Variants in TG observed in about 807,000 individuals in gnomAD.
The protein encoded by TG is thyroid hormones.
In TG, 270 loss-of-function variants were observed where a neutral mutation model predicts 324.7. That is an observed-to-expected ratio of 0.83 (90% CI 0.75 to 0.92). TG has a LOEUF of 0.92. TG is among the 40% of genes least tolerant of loss of function. The probability of loss-of-function intolerance (pLI) is 0.00; values close to 1 mark genes in which losing one functional copy is unlikely to be tolerated. For missense variants in TG, 3,591 were observed against 3,456.4 expected (o/e 1.04, Z -0.98); for synonymous variants, 1,401 against 1,327.0 (o/e 1.06, Z -1.21).
intron 8 of TG, among the ~76,000 whole-genome samples, chr8:132,884,057 A>G (rs893890254): frequency 2.6e-5 from 4 of 152,152 alleles, no homozygotes; most frequent in African/African-American, 9.7e-5. Context: ...CCACGTGGCC[A>G]TCTTCCCTCT....
At chr8:133,128,145 C>A (rs1010355303) in intron 45 of TG, among the ~76,000 whole-genome samples, 1 of 152,130 alleles carries the variant, frequency 6.6e-6, no homozygotes, top group Non-Finnish European at 1.5e-5. Context: ...GTTGATCGCA[C>A]TTTCTTGTTA....
At chr8:133,084,852 T>A (rs918159931) in intron 41 of TG, among the ~76,000 whole-genome samples, 5 of 152,240 alleles carry the variant, frequency 3.3e-5, no homozygotes, top group African/African-American at 1.2e-4. Context: ...GTCAAAGATG[T>A]CTGCAGAAGG....
intron 43 of TG, among the ~76,000 whole-genome samples, chr8:133,102,191 C>T (rs955072440): frequency 2.6e-5 from 4 of 152,210 alleles, no homozygotes; most frequent in African/African-American, 4.8e-5. Context: ...ATACAAAGAA[C>T]GTCCAATCTC....
intron 36 of TG, among the ~76,000 whole-genome samples, chr8:133,012,969 G>A (rs1834653524): frequency 1.3e-5 from 2 of 152,242 alleles, no homozygotes; most frequent in Non-Finnish European, 1.5e-5. Context: ...CACTGGGTAT[G>A]GTGCCAGCTG....
At chr8:133,107,363 C>A (rs1359647976) in intron 43 of TG, among the ~76,000 whole-genome samples, 3 of 152,184 alleles carry the variant, frequency 2.0e-5, no homozygotes, top group Admixed American at 6.5e-5. Flanking sequence ...GTGTTAATGG[C>A]AGTCCTTTAA....
At chr8:133,047,763 G>GTTT in intron 41 of TG, 1 of 883,492 alleles carries the variant, frequency 1.1e-6, no homozygotes, top group Non-Finnish European at 1.9e-6. Context: ...GCCGTGTAAT[G>GTTT]AGTCAGCCAG....
chr8:133,027,656 C>G (rs1311917393), intron 40 of TG, among the ~76,000 whole-genome samples: 1 of 152,192 alleles, frequency 6.6e-6, no homozygotes, highest in Non-Finnish European at 1.5e-5. Flanking sequence ...GCTTTTTGAA[C>G]AGAGAAAGTT....
intron 41 of TG, among the ~76,000 whole-genome samples, chr8:133,071,159 C>T (rs1843952999): frequency 6.6e-6 from 1 of 152,182 alleles, no homozygotes; most frequent in Non-Finnish European, 1.5e-5. Flanking sequence ...GGAGAGGGGG[C>T]ACCAGTGCGT....
intron 32 of TG, among the ~76,000 whole-genome samples, chr8:132,969,904 C>T (rs1260097562): frequency 9.8e-6 from 1 of 102,214 alleles, no homozygotes; most frequent in East Asian, 2.7e-4. Context: ...CAGAGCGAGA[C>T]TCTGTCAAAA....
intron 20 of TG, 40 bp downstream of exon 20, chr8:132,913,305 T>C (rs1819798906): frequency 1.9e-6 from 3 of 1,604,088 alleles, no homozygotes; most frequent in African/African-American, 2.7e-5. Flanking sequence ...TGTGGAGCCA[T>C]GTGAGGCTTT....
At chr8:132,969,624 G>A (rs1829184560) in intron 32 of TG, 55 bp downstream of exon 32, 2 of 1,279,998 alleles carry the variant, frequency 1.6e-6, no homozygotes, top group East Asian at 4.6e-5. Context: ...CTTCCTCAAA[G>A]AAGATGACAC....
chr8:133,127,478 G>A (rs1175255095), intron 45 of TG, among the ~76,000 whole-genome samples: 2 of 152,210 alleles, frequency 1.3e-5, no homozygotes, highest in African/African-American at 2.4e-5. Context: ...CAGTTGCAGC[G>A]ACCCTAGGAT....
chr8:132,926,141 A>G (rs1821836235), intron 22 of TG, among the ~76,000 whole-genome samples: 1 of 152,148 alleles, frequency 6.6e-6, no homozygotes, highest in Non-Finnish European at 1.5e-5. Context: ...CGGGAGTAAA[A>G]TGTTTAAGGC....
rs137949847 is a variant in TG at position 133,101,176 on chromosome 8, C to T, written c.7572+4803C>T. ...CTATCACCACCTTACCCCCACCATACGCAAGCATCACCTAGAGAGATCCTC... is the reference window on the plus strand; with the variant it reads ...CTATCACCACCTTACCCCCACCATATGCAAGCATCACCTAGAGAGATCCTC... On this transcript the variant is annotated intron_variant, in intron 43 of 47. Transcript: ENST00000220616. Among the ~76,000 whole-genome samples, 996 of 152,228 alleles carry T rather than the reference C, an allele frequency of 6.5e-3. 9 individuals carry two copies. The highest frequency in any genetic ancestry group is 0.022 in the African/African-American group (916 of 41,528).
chr8:133,060,386 C>A (rs1163724911), intron 41 of TG: 8 of 1,521,756 alleles, frequency 5.3e-6, no homozygotes, highest in Middle Eastern at 1.7e-4. Flanking sequence ...GTTCTTTTAT[C>A]AAGGGAATGA....
At chr8:133,089,516 C>G (rs1483006970) in intron 41 of TG, among the ~76,000 whole-genome samples, 2 of 152,196 alleles carry the variant, frequency 1.3e-5, no homozygotes, top group Admixed American at 1.3e-4. Flanking sequence ...GATACCTGCT[C>G]TGTGTCCCAG....
intron 41 of TG, chr8:133,049,323 T>C (rs1840005546): frequency 2.7e-6 from 1 of 365,510 alleles, no homozygotes. Context: ...TCTGGATAGG[T>C]ATTTGATTAG....
At chr8:133,077,735 A>ATGTGTGTGTG (rs34749093) in intron 41 of TG, among the ~76,000 whole-genome samples, 17 of 148,174 alleles carry the variant, frequency 1.1e-4, no homozygotes, top group East Asian at 4.0e-4. Context: ...TCTGGTGTGT[A>ATGTGTGTGTG]TGTGTGTGTG....
chr8:133,074,070 A>G (rs978324323), intron 41 of TG, among the ~76,000 whole-genome samples: 3 of 152,138 alleles, frequency 2.0e-5, no homozygotes, highest in Non-Finnish European at 1.5e-5. Flanking sequence ...CTCTCTCCAT[A>G]TGTAGACACC....
Sources: allele counts gnomAD v4.1 joint callset (sites outside exome capture counted in the v4.1 genomes callset), GRCh38; gene constraint gnomAD v4.1.1; transcripts MANE v1.5; gene names NCBI Gene and HGNC (gene_info 2026-07-23, HGNC 2026-07-21).